The following EIF2B3 variants were observed in gnomAD, a reference collection of about 807,000 sequenced individuals.
The protein encoded by EIF2B3 is eukaryotic translation initiation factor 2B subunit gamma.
Under a neutral mutation model 54.1 loss-of-function variants are expected in EIF2B3, and 20 were observed. The observed-to-expected ratio is 0.37, with a 90% CI of 0.26 to 0.54. The LOEUF (loss-of-function observed/expected upper bound fraction) is 0.54. EIF2B3 is among the 20% of genes least tolerant of loss of function. The pLI is 0.86. For missense variants in EIF2B3, 448 were observed against 547.8 expected, an observed-to-expected ratio of 0.82 and a Z score of 1.82; for synonymous variants, 153 against 188.1, an observed-to-expected ratio of 0.81 and a Z score of 1.52.
chr1:44,862,440 T>C (rs1654637796), intron 10 of EIF2B3, among the ~76,000 whole-genome samples: 1 of 152,130 alleles, frequency 6.6e-6, no homozygotes, highest in Non-Finnish European at 1.5e-5. Context: ...CACACCACAC[T>C]ATACTATGTT....
intron 8 of EIF2B3, among the ~76,000 whole-genome samples, chr1:44,877,203 A>AAAAAAAAAC (rs1557666485): frequency 6.9e-6 from 1 of 145,284 alleles, no homozygotes; most frequent in African/African-American, 2.6e-5. Context: ...AAAAAAAAAA[A>AAAAAAAAAC]AAAAAAAAAA....
chr1:44,959,535 C>A (rs1288263369), intron 3 of EIF2B3: 1 of 185,574 alleles, frequency 5.4e-6, no homozygotes, highest in South Asian at 1.4e-4. Context: ...AGAGTGAGAC[C>A]CTATTTCTAA....
chr1:44,923,445 T>G (rs1028665276), intron 5 of EIF2B3, among the ~76,000 whole-genome samples: 3 of 152,236 alleles, frequency 2.0e-5, no homozygotes, highest in African/African-American at 7.2e-5. Flanking sequence ...AGTTCAAAGC[T>G]ATTTTAATTC....
rs1655101455 is a variant in EIF2B3, at chr1:44,875,676, G to C, written c.995C>G (p.Ala332Gly). 3 of 1,614,176 alleles carry C rather than the reference G, an allele frequency of 1.9e-6. No homozygotes were observed. Among genetic ancestry groups the C allele is most frequent in the African/African-American group, 2.7e-5 (2 of 75,040 alleles). ...ANRQVPKLLS[A>G]LCPEEPPVHS... ...GACTGGTGGTTCTTCTGGACAGAGA[G>C]CAGACAGCAATTTGGGCACCTTAAG... Residue 332 changes from alanine to glycine, a missense_variant, in exon 9 of 12, where the codon GCT becomes GGT. Ala to Gly is a moderately conservative substitution (Grantham distance 60). Around this residue, in one of 3 missense-constraint regions of EIF2B3, gnomAD observed 350 missense variants for 414.2 expected, o/e 0.85. Coordinates refer to ENST00000360403, the MANE Select transcript of EIF2B3 (RefSeq NM_020365.5).
At chr1:44,908,416 G>A (rs1460410691) in intron 5 of EIF2B3, among the ~76,000 whole-genome samples, 1 of 152,186 alleles carries the variant, frequency 6.6e-6, no homozygotes, top group Non-Finnish European at 1.5e-5. Flanking sequence ...TGATATTTGA[G>A]CTGAGTCTTG....
At chr1:44,900,651 T>TA (rs960184141) in intron 5 of EIF2B3, among the ~76,000 whole-genome samples, 13 of 151,678 alleles carry the variant, frequency 8.6e-5, no homozygotes, top group Non-Finnish European at 1.6e-4. Context: ...AATAATAATT[T>TA]AAAAAAAACC....
intron 5 of EIF2B3, among the ~76,000 whole-genome samples, chr1:44,921,767 C>G (rs1643741872): frequency 6.6e-6 from 1 of 152,034 alleles, no homozygotes; most frequent in African/African-American, 2.4e-5. Context: ...TATGTCAGTA[C>G]CATGCTGTTT....
At chr1:44,903,615 T>G (rs372466247) in intron 5 of EIF2B3, among the ~76,000 whole-genome samples, 1 of 152,246 alleles carries the variant, frequency 6.6e-6, no homozygotes, top group South Asian at 2.1e-4. Context: ...AGTAGCTGCA[T>G]GTTTAAAAAC....
At position 44,930,622 on chromosome 1, in the gene EIF2B3, C is replaced by T. The variant is rs530679589; in HGVS notation, c.455-3883G>A. 2.6e-5 allele frequency among the ~76,000 whole-genome samples: 4 copies of T among 152,268 alleles called. No individual in the cohort carries two copies. In the East Asian group the frequency reaches 7.7e-4, roughly 29 times the overall value. On this transcript the variant is annotated intron_variant, in intron 4 of 11. Coordinates refer to ENST00000360403, the MANE Select transcript of EIF2B3 (RefSeq NM_020365.5). ...GAAAAGAAAAATCCAGCTGTCAAGG[C>T]TGAGGCTCTCCCTATATATTTTTTT... is the stretch of plus-strand genomic sequence containing the variant.
chr1:44,985,235 G>T (rs1366713652), intron 1 of EIF2B3, among the ~76,000 whole-genome samples: 1 of 152,186 alleles, frequency 6.6e-6, no homozygotes, highest in African/African-American at 2.4e-5. Context: ...TGCTACTGTT[G>T]CTTCCTAGTC....
In EIF2B3 at chr1:44,854,648, C is replaced by T. The variant is rs564682239; in HGVS notation, c.1306+3056G>A. Among the ~76,000 whole-genome samples, 3 of 146,506 alleles carry T rather than the reference C, an allele frequency of 2.0e-5. No homozygotes were observed. In the South Asian group the frequency reaches 6.5e-4, roughly 32 times the overall value. On this transcript the variant is annotated intron_variant, in intron 11 of 11. Transcript: ENST00000360403. ...TGTTGCCCAAGATGGAGTGTGATGG[C>T]GTGATCTCAGCTCACCACAACCTCT...
At chr1:44,876,181 G>A (rs955073233) in intron 8 of EIF2B3, among the ~76,000 whole-genome samples, 1 of 152,090 alleles carries the variant, frequency 6.6e-6, no homozygotes, top group Admixed American at 6.5e-5. Context: ...AGCTGAGATT[G>A]CAGCCTCTGC....
At chr1:44,876,212 G>A (rs1655133189) in intron 8 of EIF2B3, among the ~76,000 whole-genome samples, 1 of 151,998 alleles carries the variant, frequency 6.6e-6, no homozygotes, top group East Asian at 2.0e-4. Context: ...CACCGTCTGG[G>A]AAGTGAGGAG....
At chr1:44,974,002 G>A (rs979610984) in intron 3 of EIF2B3, among the ~76,000 whole-genome samples, 3 of 151,788 alleles carry the variant, frequency 2.0e-5, no homozygotes, top group Non-Finnish European at 4.4e-5. Context: ...AATAATCAGC[G>A]GTACTCCAGA....
rs57763807 is a variant in EIF2B3 at position 44,865,216 on chromosome 1, TAA to T, written c.1203-7411_1203-7410del. ...TGGGCAACAGAGCGAGACTCCATCT[TAA>T]AAAAAAAAAAAGAAATGTGTGAAGC... On this transcript the variant is annotated intron_variant, in intron 10 of 11. Coordinates refer to ENST00000360403, the MANE Select transcript of EIF2B3 (RefSeq NM_020365.5). 5.1e-3 allele frequency among the ~76,000 whole-genome samples: 721 copies of T among 140,064 alleles called. 8 individuals are homozygous for T. The highest frequency in any genetic ancestry group is 7.5e-3 in the Non-Finnish European group (484 of 64,436). The allele number at this position is 140,064 out of a possible 152,430, so 91.9% of individuals were successfully genotyped here.
At chr1:44,942,377 T>TTTTATATATATATATATATATA (rs1318229963) in intron 3 of EIF2B3, among the ~76,000 whole-genome samples, 2 of 21,598 alleles carry the variant, frequency 9.3e-5, no homozygotes, top group Admixed American at 8.9e-4. Flanking sequence ...CTTTCTGATT[T>TTTTATATATATATATATATATA]TATATATATA....
At chr1:44,942,939 T>C (rs1294492350) in intron 3 of EIF2B3, among the ~76,000 whole-genome samples, 1 of 152,030 alleles carries the variant, frequency 6.6e-6, no homozygotes, top group Admixed American at 6.6e-5. Context: ...CACGGCAAGC[T>C]CCGCCTCCCG....
intron 5 of EIF2B3, among the ~76,000 whole-genome samples, chr1:44,921,676 T>C (rs1047175694): frequency 1.3e-5 from 2 of 152,116 alleles, no homozygotes; most frequent in African/African-American, 4.8e-5. Flanking sequence ...CTTGGCACCT[T>C]TGTCAAAAAT....
rs554763618 is a variant in EIF2B3 at position 44,881,958 on chromosome 1, T to C, written c.657-219A>G. 2.6e-5 allele frequency among the ~76,000 whole-genome samples: 4 copies of C among 152,166 alleles called. No individual in the cohort carries two copies. The highest frequency in any genetic ancestry group is 5.9e-5 in the Non-Finnish European group (4 of 68,028). ...TTGGGTCTAAGTGATCAGGAATCTG[T>C]ACTAGGGGAAGAAGGGACCTGATCT... On this transcript the variant is annotated intron_variant, in intron 6 of 11. Transcript: ENST00000360403. The surrounding 1 kb of genome is among the most constrained non-coding windows in gnomAD (Gnocchi z 4.0).
Sources: gnomAD v4.1 joint callset for allele counts (sites outside exome capture counted in the v4.1 genomes callset) on GRCh38, gnomAD v4.1.1 for gene constraint, gnomAD v4.1.1 regional missense constraint, Gnocchi (gnomAD v3.1) non-coding constraint, MANE v1.5 for transcripts, NCBI Gene and HGNC (gene_info 2026-07-23, HGNC 2026-07-21) for gene names.